Variants in BIVM observed in about 807,000 individuals in gnomAD.
BIVM encodes basic immunoglobulin-like variable motif-containing protein.
BIVM carries 31 observed loss-of-function variants against 61.4 expected under a neutral mutation model. The ratio of observed to expected loss-of-function variants is 0.51; its 90% CI spans 0.38 to 0.68. The LOEUF (loss-of-function observed/expected upper bound fraction) is 0.68. BIVM is among the 30% of genes least tolerant of loss of function. The pLI is 0.00. For synonymous variants in BIVM, 189 were observed against 210.7 expected (o/e 0.90, Z 0.89); for missense variants, 526 against 596.0 (o/e 0.88, Z 1.22).
At chr13:102,838,806 A>G in intron 10 of BIVM, 67 bp downstream of exon 10, 1 of 1,440,860 alleles carries the variant, frequency 6.9e-7, no homozygotes, top group Non-Finnish European at 9.5e-7. Flanking sequence ...TTTACTTAGC[A>G]CTCTTTAGGT....
intron 9 of BIVM, among the ~76,000 whole-genome samples, chr13:102,834,916 T>G (rs1881359080): frequency 6.6e-6 from 1 of 152,222 alleles, no homozygotes; most frequent in Admixed American, 6.5e-5. Context: ...CTGAGTAGTA[T>G]TCTGTTGCAT....
At chr13:102,834,370 G>T in intron 8 of BIVM, 96 bp from the exon 9 acceptor site, 1 of 1,223,988 alleles carries the variant, frequency 8.2e-7, no homozygotes, top group South Asian at 1.6e-5. Context: ...TGCCAGGTTT[G>T]AATACACTCT....
At chr13:102,799,793 G>A (rs1878622792) in intron 1 of BIVM, among the ~76,000 whole-genome samples, 2 of 152,234 alleles carry the variant, frequency 1.3e-5, no homozygotes. Context: ...GTCGCGGGGG[G>A]AAGAGAAGCG....
intron 8 of BIVM, 55 bp from the exon 9 acceptor site, chr13:102,834,411 C>A: frequency 2.7e-6 from 4 of 1,467,954 alleles, no homozygotes; most frequent in Non-Finnish European, 3.7e-6. Context: ...ATATTTGAAG[C>A]AATATACTCA....
At chr13:102,809,719 G>T (rs1879346727) in intron 3 of BIVM, among the ~76,000 whole-genome samples, 1 of 151,762 alleles carries the variant, frequency 6.6e-6, no homozygotes, top group African/African-American at 2.4e-5. Flanking sequence ...GTGGCATTAA[G>T]TACATTTACG....
rs898830349 is a variant in BIVM at position 102,809,922 on chromosome 13, A to T, written c.478+2177A>T. 4.6e-5 allele frequency among the ~76,000 whole-genome samples: 7 copies of T among 151,858 alleles called. No individual in the cohort carries two copies. The Middle Eastern group carries it at 0.01, about 221-fold the overall frequency. On this transcript the variant is annotated intron_variant, in intron 3 of 10. Coordinates refer to ENST00000257336, the MANE Select transcript of BIVM (RefSeq NM_017693.4). The stretch of plus-strand genomic sequence containing the variant: ...TGCCTCAGCCTCCCGAGTACCTGGG[A>T]CTACAGGCGCCTGTCACCGTGCCCG...
At chr13:102,814,622 A>T (rs1296607233) in intron 3 of BIVM, among the ~76,000 whole-genome samples, 1 of 151,968 alleles carries the variant, frequency 6.6e-6, no homozygotes, top group Non-Finnish European at 1.5e-5. Context: ...TTCTTCTGTT[A>T]TCTGACTCTG....
At chr13:102,802,281 T>A (rs190219676) in intron 1 of BIVM, among the ~76,000 whole-genome samples, 4 of 152,294 alleles carry the variant, frequency 2.6e-5, no homozygotes. Flanking sequence ...ATTAGTATTA[T>A]CAGTAATAAA....
chr13:102,803,120 C>T lies in BIVM; in HGVS notation c.-206-2187C>T, dbSNP rs1441019034. Among the ~76,000 whole-genome samples the T allele has an allele frequency of 2.8e-5, 4 of 140,674 alleles. No homozygotes were observed. The East Asian group carries it at 8.3e-4, about 29-fold the overall frequency. 92.3% of individuals were successfully genotyped at this position (140,674 alleles called of 152,430 possible). The stretch of plus-strand genomic sequence containing the variant: ...GGAGGATTGCTTGAAGCCAAGAGGT[C>T]AAGACCAGCCTAGGCAACATAGCAA... On this transcript the variant is annotated intron_variant, in intron 1 of 10. Transcript: ENST00000257336.
At position 102,839,729 on chromosome 13, in the gene BIVM, A is replaced by G. The variant is rs769060143; in HGVS notation, c.1376A>G (p.Lys459Arg). The G allele has an allele frequency of 7.4e-6, 12 of 1,614,228 alleles. No homozygotes were observed. In the South Asian group the frequency reaches 1.3e-4, roughly 18 times the overall value. Residue 459 changes from lysine (K) to arginine (R), a missense_variant, in exon 11 of 11, where the codon AAG (lysine) becomes AGG (arginine). Transcript: ENST00000257336. ...AKSESEDNIS[K>R]KQHGRLGRSF... ...TCTGAGAGTGAAGACAATATTTCCA[A>G]GAAGCAGCATGGGCGTCTGGGCCGG...
chr13:102,810,793 C>T (rs931830963), intron 3 of BIVM, among the ~76,000 whole-genome samples: 5 of 152,156 alleles, frequency 3.3e-5, no homozygotes, highest in East Asian at 1.9e-4. Flanking sequence ...TGCAGTGGCA[C>T]GACCATGGCT....
chr13:102,823,696 C>T (rs1407878880), intron 7 of BIVM, among the ~76,000 whole-genome samples: 1 of 152,132 alleles, frequency 6.6e-6, no homozygotes, highest in Admixed American at 6.5e-5. Flanking sequence ...TGGTAATTTT[C>T]TCTTCAGCTG....
chr13:102,804,164 C>T (rs1381898110), intron 1 of BIVM, among the ~76,000 whole-genome samples: 2 of 152,130 alleles, frequency 1.3e-5, no homozygotes, highest in Non-Finnish European at 2.9e-5. Context: ...TTGTTCGTTT[C>T]GAGACAAGAT....
chr13:102,834,521 A>G lies in BIVM; in HGVS notation c.1090A>G (p.Ser364Gly). 1 of 1,590,830 alleles carries G rather than the reference A, an allele frequency of 6.3e-7. No individual in the cohort carries two copies. Among genetic ancestry groups the G allele is most frequent in the South Asian group, 1.2e-5 (1 of 86,200 alleles). Reference protein sequence around the residue: ...VEYWILIGESSRKHPAIHCKK... With the variant: ...VEYWILIGESGRKHPAIHCKK... ...ATATTGGATCTTAATTGGAGAATCAAGTAGAAAACATCCTGCCATTCACTG... is the reference window on the plus strand; with the variant it reads ...ATATTGGATCTTAATTGGAGAATCAGGTAGAAAACATCCTGCCATTCACTG... Residue 364 changes from serine (S) to glycine (G), a missense_variant, in exon 9 of 11, where the codon AGT becomes GGT. Physicochemically the swap from Ser to Gly is moderately conservative, Grantham distance 56 (BLOSUM62 0). Coordinates refer to ENST00000257336, the MANE Select transcript of BIVM (RefSeq NM_017693.4).
chr13:102,829,423 T>C (rs531822541), intron 7 of BIVM, among the ~76,000 whole-genome samples: 1 of 152,340 alleles, frequency 6.6e-6, no homozygotes, highest in East Asian at 1.9e-4. Context: ...AAGTTTCAGA[T>C]TTTAAAGCTA....
intron 7 of BIVM, among the ~76,000 whole-genome samples, chr13:102,829,705 G>A (rs1300178499): frequency 6.6e-6 from 1 of 151,998 alleles, no homozygotes; most frequent in Non-Finnish European, 1.5e-5. Context: ...TGGGCGTGGT[G>A]GTGAGTGCAT....
intron 2 of BIVM, among the ~76,000 whole-genome samples, chr13:102,806,903 T>G (rs1237822000): frequency 6.6e-6 from 1 of 150,778 alleles, no homozygotes; most frequent in Non-Finnish European, 1.5e-5. Flanking sequence ...AGAGTGAAAC[T>G]CCATCTCAAA....
chr13:102,817,851 C>T (rs1879981448), intron 4 of BIVM, among the ~76,000 whole-genome samples: 1 of 151,976 alleles, frequency 6.6e-6, no homozygotes, highest in African/African-American at 2.4e-5. Context: ...TTTAAAATTC[C>T]TTTGTATGAC....
At chr13:102,805,096 A>G (rs1460057932) in intron 1 of BIVM, among the ~76,000 whole-genome samples, 1 of 152,150 alleles carries the variant, frequency 6.6e-6, no homozygotes, top group African/African-American at 2.4e-5. Context: ...TAAAAGTCCA[A>G]CTGATCACCC....
Sources: allele counts gnomAD v4.1 joint callset (sites outside exome capture counted in the v4.1 genomes callset), GRCh38; gene constraint gnomAD v4.1.1; transcripts MANE v1.5; gene names NCBI Gene and HGNC (gene_info 2026-07-23, HGNC 2026-07-21).